The following PKN2 variants were observed in gnomAD, a reference collection of about 807,000 sequenced individuals.
PKN2 encodes the protein protein kinase N2.
In PKN2, 38 loss-of-function variants were observed where a neutral mutation model predicts 119.1. That is an observed-to-expected ratio of 0.32 (90% CI 0.25 to 0.42). The LOEUF is 0.42. Ranked by LOEUF, PKN2 falls within the 10% of genes least tolerant of loss-of-function variation. The pLI is 1.00. For synonymous variants in PKN2, 390 were observed against 384.9 expected, an observed-to-expected ratio of 1.01 and a Z score of -0.15; for missense variants, 850 against 1,165.1, an observed-to-expected ratio of 0.73 and a Z score of 3.94.
At chr1:88,725,270 G>C (rs1667851934) in intron 1 of PKN2, among the ~76,000 whole-genome samples, 4 of 152,070 alleles carry the variant, frequency 2.6e-5, no homozygotes, top group Admixed American at 2.6e-4. Flanking sequence ...AAGTGTTACT[G>C]TTTAGATATA....
At chr1:88,709,346 C>T (rs899108730) in intron 1 of PKN2, among the ~76,000 whole-genome samples, 1 of 152,066 alleles carries the variant, frequency 6.6e-6, no homozygotes, top group Non-Finnish European at 1.5e-5. Context: ...GCCACTGCAC[C>T]CGGCCCATCA....
At chr1:88,719,528 G>T (rs1285898011) in intron 1 of PKN2, among the ~76,000 whole-genome samples, 1 of 152,020 alleles carries the variant, frequency 6.6e-6, no homozygotes. Flanking sequence ...AAACAACAAA[G>T]ACATCTCTGG....
intron 2 of PKN2, among the ~76,000 whole-genome samples, chr1:88,746,694 G>A (rs1668784506): frequency 6.6e-6 from 1 of 152,108 alleles, no homozygotes; most frequent in Non-Finnish European, 1.5e-5. Flanking sequence ...GGAAGACAGT[G>A]TGGAGGTTCC....
chr1:88,769,775 A>T (rs1403304681), intron 3 of PKN2, among the ~76,000 whole-genome samples: 1 of 152,226 alleles, frequency 6.6e-6, no homozygotes, highest in Non-Finnish European at 1.5e-5. Flanking sequence ...ATAAATAGAA[A>T]CAGAGAGTAG....
chr1:88,734,015 A>G (rs61766084), intron 1 of PKN2, among the ~76,000 whole-genome samples: 4 of 152,114 alleles, frequency 2.6e-5, no homozygotes, highest in Non-Finnish European at 5.9e-5. Flanking sequence ...AAAATTAGCT[A>G]GGCATAGTGG....
intron 8 of PKN2, among the ~76,000 whole-genome samples, chr1:88,790,040 C>G (rs1193699545): frequency 1.3e-5 from 2 of 152,196 alleles, no homozygotes; most frequent in African/African-American, 2.4e-5. Context: ...TCTGAAACAA[C>G]TCTATGTAAG....
intron 2 of PKN2, among the ~76,000 whole-genome samples, chr1:88,750,732 C>T (rs1166545654): frequency 2.6e-5 from 4 of 152,170 alleles, no homozygotes; most frequent in African/African-American, 7.2e-5. Flanking sequence ...TTTTCTGCCC[C>T]GTTAGTGCAT....
intron 3 of PKN2, among the ~76,000 whole-genome samples, chr1:88,766,980 A>G (rs1009228488): frequency 2.0e-5 from 3 of 152,316 alleles, no homozygotes; most frequent in Non-Finnish European, 2.9e-5. Flanking sequence ...TAGTGAAGAA[A>G]GGAGTATTTC....
intron 1 of PKN2, among the ~76,000 whole-genome samples, chr1:88,736,281 C>T (rs1232786955): frequency 6.6e-6 from 1 of 152,168 alleles, no homozygotes. Context: ...TGAGACATCA[C>T]ACATCTCCAT....
chr1:88,702,870 T>C (rs1666825924), intron 1 of PKN2, among the ~76,000 whole-genome samples: 1 of 152,232 alleles, frequency 6.6e-6, no homozygotes, highest in Non-Finnish European at 1.5e-5. Context: ...CATATTCTGT[T>C]CCTTGCTTAA....
intron 1 of PKN2, among the ~76,000 whole-genome samples, chr1:88,701,041 C>T (rs529283430): frequency 7.2e-5 from 11 of 151,938 alleles, no homozygotes; most frequent in South Asian, 4.2e-4. Flanking sequence ...TTTTTTTTAC[C>T]GGCAGAAGGA....
intron 8 of PKN2, among the ~76,000 whole-genome samples, chr1:88,794,389 A>C (rs536422665): frequency 1.5e-4 from 23 of 149,516 alleles, no homozygotes; most frequent in African/African-American, 5.1e-4. Flanking sequence ...AAAAAAATCA[A>C]TATGCCAGCC....
intron 19 of PKN2, 86 bp from the exon 20 acceptor site, chr1:88,832,658 C>T: frequency 3.0e-6 from 2 of 673,218 alleles, no homozygotes; most frequent in Non-Finnish European, 2.6e-6. Flanking sequence ...TTTTTCACTG[C>T]CTGGATCTTG....
chr1:88,686,816 T>C (rs1437146215), intron 1 of PKN2, among the ~76,000 whole-genome samples: 1 of 152,146 alleles, frequency 6.6e-6, no homozygotes, highest in Admixed American at 6.5e-5. Context: ...TTATTAAACT[T>C]TTGTTTCAAG....
intron 1 of PKN2, among the ~76,000 whole-genome samples, chr1:88,725,417 A>G (rs112958145): frequency 3.9e-5 from 6 of 152,302 alleles, no homozygotes; most frequent in African/African-American, 1.4e-4. Context: ...GAATCTTTGT[A>G]TTATCAGTAT....
intron 19 of PKN2, among the ~76,000 whole-genome samples, chr1:88,830,509 G>A (rs66520469): frequency 0.072 from 10,924 of 151,992 alleles, 845 homozygotes; most frequent in African/African-American, 0.19. Flanking sequence ...GTTTCATGTA[G>A]TATTCAAGTA....
chr1:88,788,197 G>T (rs1016115429), intron 8 of PKN2, among the ~76,000 whole-genome samples: 26 of 152,116 alleles, frequency 1.7e-4, no homozygotes, highest in Admixed American at 5.2e-4. Context: ...TTCTAGAAAT[G>T]ATCTAGATCT....
chr1:88,752,460 TTC>T, intron 2 of PKN2, among the ~76,000 whole-genome samples: 1 of 152,264 alleles, frequency 6.6e-6, no homozygotes, highest in East Asian at 1.9e-4. Flanking sequence ...GTGAATTTTT[TTC>T]TGATTGAGCT....
At chr1:88,810,016 A>G (rs1671715975) in intron 15 of PKN2, among the ~76,000 whole-genome samples, 1 of 152,192 alleles carries the variant, frequency 6.6e-6, no homozygotes, top group Non-Finnish European at 1.5e-5. Context: ...AATAAAACAC[A>G]CTTTTAGAGA....
Sources: gnomAD v4.1 joint callset for allele counts (sites outside exome capture counted in the v4.1 genomes callset) on GRCh38, gnomAD v4.1.1 for gene constraint, MANE v1.5 for transcripts, NCBI Gene and HGNC (gene_info 2026-07-23, HGNC 2026-07-21) for gene names.